Variants in ZMYM2 observed in about 807,000 individuals in gnomAD.
ZMYM2 encodes the protein zinc finger MYM-type containing 2.
ZMYM2 carries 56 observed loss-of-function variants against 162.8 expected under a neutral mutation model. That is an observed-to-expected ratio of 0.34 (90% CI 0.28 to 0.43). The LOEUF (loss-of-function observed/expected upper bound fraction) is 0.43, where lower values mean the gene tolerates loss of function less well. Ranked by LOEUF, ZMYM2 falls within the 20% of genes least tolerant of loss-of-function variation. The probability of loss-of-function intolerance (pLI) is 1.00; values close to 1 mark genes in which losing one functional copy is unlikely to be tolerated. For synonymous variants in ZMYM2, 510 were observed against 541.6 expected (o/e 0.94, Z 0.81); for missense variants, 1,275 against 1,621.8 (o/e 0.79, Z 3.67).
At chr13:19,873,425 T>TTTAC in the ZMYM2 span, among the ~76,000 whole-genome samples, 6 of 150,206 alleles carry the variant, frequency 4.0e-5, no homozygotes, top group South Asian at 1.1e-3. Context: ...TATTTATTTA[T>TTTAC]TGAGGCAGAG....
chr13:19,971,415 C>T (rs1440357894), intron 2 of ZMYM2, among the ~76,000 whole-genome samples: 2 of 150,946 alleles, frequency 1.3e-5, no homozygotes, highest in Non-Finnish European at 3.0e-5. Flanking sequence ...GGATTACAGA[C>T]ATGTGCCACC....
the ZMYM2 span, among the ~76,000 whole-genome samples, chr13:19,885,533 A>C: frequency 0.6 from 90,605 of 151,402 alleles, 30,966 homozygotes; most frequent in East Asian, 0.88. Flanking sequence ...TGTTTTATTT[A>C]TTTGTCTTAA....
intron 9 of ZMYM2, 86 bp from the exon 10 acceptor site, chr13:20,031,233 C>G (rs1197504663): frequency 6.5e-6 from 6 of 925,214 alleles, no homozygotes; most frequent in Non-Finnish European, 8.1e-6. Flanking sequence ...ATATTACTTT[C>G]TGGACATCGT....
the ZMYM2 span, among the ~76,000 whole-genome samples, chr13:19,883,541 C>T: frequency 1.3e-5 from 2 of 152,202 alleles, no homozygotes; most frequent in African/African-American, 4.8e-5. Flanking sequence ...TATTTAATTG[C>T]CCCAGTAGTG....
chr13:19,998,509 TG>T (rs1218910823), intron 3 of ZMYM2, among the ~76,000 whole-genome samples: 1 of 152,222 alleles, frequency 6.6e-6, no homozygotes, highest in African/African-American at 2.4e-5. Context: ...GCATAATTTT[TG>T]ATTGGAGGCC....
intron 2 of ZMYM2, among the ~76,000 whole-genome samples, chr13:19,975,846 TTCC>T (rs543123066): frequency 9.4e-5 from 14 of 149,480 alleles, no homozygotes; most frequent in African/African-American, 3.4e-4. Flanking sequence ...TTTAAAATTT[TTCC>T]TCCATTTTTA....
chr13:19,885,943 A>ATGTGTATATATATATATG, the ZMYM2 span, among the ~76,000 whole-genome samples: 23 of 24,414 alleles, frequency 9.4e-4, 9 homozygotes, highest in East Asian at 0.023. Flanking sequence ...ACACATATAT[A>ATGTGTATATATATATATG]TGTATATACA....
At chr13:20,034,231 C>T (rs1405713613) in intron 10 of ZMYM2, 23 bp from the exon 11 acceptor site, 3 of 1,311,768 alleles carry the variant, frequency 2.3e-6, no homozygotes, top group African/African-American at 1.7e-5. Flanking sequence ...ATATACTTAC[C>T]AAGGTTCCCA....
At chr13:20,085,534 C>A (rs1958204869) in intron 24 of ZMYM2, among the ~76,000 whole-genome samples, 1 of 152,144 alleles carries the variant, frequency 6.6e-6, no homozygotes, top group Admixed American at 6.5e-5. Flanking sequence ...ATCTTGAAAT[C>A]ATAATTGGCA....
chr13:19,907,787 T>G, the ZMYM2 span, among the ~76,000 whole-genome samples: 56 of 80,218 alleles, frequency 7.0e-4, no homozygotes, highest in Non-Finnish European at 1.0e-3. Flanking sequence ...AAAAAAAAGG[T>G]AAAGTCTATT....
At chr13:19,939,020 A>ATTTTT in the ZMYM2 span, among the ~76,000 whole-genome samples, 1 of 124,138 alleles carries the variant, frequency 8.1e-6, no homozygotes, top group Non-Finnish European at 1.6e-5. Flanking sequence ...CTTTGTTGTA[A>ATTTTT]TTTTTTTTTT....
intron 12 of ZMYM2, among the ~76,000 whole-genome samples, chr13:20,039,121 T>G (rs926935439): frequency 4.6e-5 from 7 of 152,176 alleles, no homozygotes; most frequent in African/African-American, 1.7e-4. Flanking sequence ...TTTTGTACAT[T>G]GATTTTGTAC....
chr13:19,879,329 AC>A, the ZMYM2 span, among the ~76,000 whole-genome samples: 2 of 152,120 alleles, frequency 1.3e-5, no homozygotes, highest in Non-Finnish European at 2.9e-5. Flanking sequence ...TAATCCCAAC[AC>A]TTTTGGAGGC....
At chr13:19,962,085 G>A (rs1362604436) in intron 2 of ZMYM2, among the ~76,000 whole-genome samples, 1 of 151,948 alleles carries the variant, frequency 6.6e-6, no homozygotes, top group Non-Finnish European at 1.5e-5. Flanking sequence ...TGTATCTCAT[G>A]TGGTGAGACA....
chr13:19,943,969 G>C, the ZMYM2 span, among the ~76,000 whole-genome samples: 3 of 152,174 alleles, frequency 2.0e-5, no homozygotes, highest in African/African-American at 4.8e-5. Flanking sequence ...GGAATGAGAA[G>C]GGAGATGGGG....
At chr13:20,037,796 A>C (rs1384261280) in intron 12 of ZMYM2, among the ~76,000 whole-genome samples, 1 of 152,136 alleles carries the variant, frequency 6.6e-6, no homozygotes, top group Non-Finnish European at 1.5e-5. Context: ...TATATAGGTA[A>C]ATTTAGGTCA....
At chr13:19,897,211 CAA>C in the ZMYM2 span, among the ~76,000 whole-genome samples, 1 of 151,744 alleles carries the variant, frequency 6.6e-6, no homozygotes, top group African/African-American at 2.4e-5. Context: ...AAATTAGAGA[CAA>C]AAAAAGTTAT....
chr13:20,052,295 C>A lies in ZMYM2; in HGVS notation c.2477C>A (p.Ser826Tyr). The A allele has an allele frequency of 6.4e-7, 1 of 1,569,618 alleles. No individual in the cohort carries two copies. The highest frequency in any genetic ancestry group is 2.3e-5 in the East Asian group (1 of 43,302). Residue 826 changes from serine (S) to tyrosine (Y), a missense_variant, in exon 14 of 25, where the codon TCT becomes TAT. Physicochemically the swap from Ser to Tyr is moderately radical, Grantham distance 144. Around this residue, in one of 10 missense-constraint regions of ZMYM2, gnomAD observed 177 missense variants for 228.0 expected, o/e 0.78. Coordinates refer to ENST00000610343, the MANE Select transcript of ZMYM2 (RefSeq NM_197968.4). ...NLHYDQGCQT[S>Y]RTKMTGSAPP... is the part of the protein sequence containing the mutation. ...TTTTTAGATCAGGGTTGTCAGACAT[C>A]TCGAACCAAAATGACAGTAAGTATT... is the stretch of plus-strand genomic sequence containing the variant.
intron 1 of ZMYM2, among the ~76,000 whole-genome samples, 169 bp downstream of exon 1, chr13:19,959,010 G>A (rs1805874046): frequency 1.3e-5 from 2 of 151,898 alleles, no homozygotes; most frequent in Admixed American, 1.3e-4. Context: ...ATACCCCGCG[G>A]CGCGGCCGCC....
Sources: gnomAD v4.1 joint callset for allele counts (sites outside exome capture counted in the v4.1 genomes callset) on GRCh38, gnomAD v4.1.1 for gene constraint, gnomAD v4.1.1 regional missense constraint, MANE v1.5 for transcripts, NCBI Gene and HGNC (gene_info 2026-07-23, HGNC 2026-07-21) for gene names.